Variants in POLR3B observed in about 807,000 individuals in gnomAD.
POLR3B encodes RNA polymerase III subunit B.
A neutral mutation model predicts 147.4 loss-of-function variants in POLR3B; 96 were observed. That is an observed-to-expected ratio of 0.65 (90% CI 0.55 to 0.77). POLR3B has a LOEUF of 0.77. POLR3B is among the 30% of genes least tolerant of loss of function. The pLI is 0.00. For missense variants in POLR3B, 1,036 were observed against 1,413.5 expected (o/e 0.73, Z 4.28); for synonymous variants, 461 against 485.9 (o/e 0.95, Z 0.67).
chr12:106,500,422 C>G (rs2038580329), intron 25 of POLR3B, among the ~76,000 whole-genome samples: 1 of 152,068 alleles, frequency 6.6e-6, no homozygotes, highest in South Asian at 2.1e-4. Flanking sequence ...GCCACCGTGA[C>G]AAAGGAGACA....
chr12:106,401,192 A>C (rs1397434234), intron 10 of POLR3B, among the ~76,000 whole-genome samples: 1 of 152,232 alleles, frequency 6.6e-6, no homozygotes, highest in Non-Finnish European at 1.5e-5. Flanking sequence ...AATACTATAA[A>C]CATGTCTATG....
rs748423263 is a variant in POLR3B at position 106,459,327 on chromosome 12, T to TAATGTAC, written c.2530_2536dup (p.Pro846GlnfsTer24). The TAATGTAC allele has an allele frequency of 6.2e-7, 1 of 1,603,114 alleles. No individual in the cohort carries two copies. Among genetic ancestry groups the TAATGTAC allele is most frequent in the South Asian group, 1.1e-5 (1 of 90,842 alleles). ...TGACTCAGATTCCTTTGGAAGGAAG[T>TAATGTAC]AATGTACCACAGCAACCACAGTACA... On this transcript the variant is annotated frameshift_variant, in exon 22 of 28. Transcript: ENST00000228347. LOFTEE classifies it high-confidence loss of function.
chr12:106,375,777 C>T (rs1391714862), intron 6 of POLR3B, among the ~76,000 whole-genome samples: 1 of 152,194 alleles, frequency 6.6e-6, no homozygotes, highest in Non-Finnish European at 1.5e-5. Flanking sequence ...CTTTGTCTTC[C>T]ATGAAGGAAG....
intron 23 of POLR3B, among the ~76,000 whole-genome samples, chr12:106,474,129 GT>G (rs2038129126): frequency 1.1e-5 from 1 of 88,340 alleles, no homozygotes; most frequent in South Asian, 4.9e-4. Context: ...TAATCATGTG[GT>G]TTTTGTCTTT....
intron 23 of POLR3B, among the ~76,000 whole-genome samples, chr12:106,485,123 A>G (rs773957798): frequency 4.6e-5 from 7 of 152,220 alleles, no homozygotes; most frequent in Non-Finnish European, 8.8e-5. Context: ...TATTTGGCTT[A>G]TGGTTCTAAA....
rs1187244251 is a variant in POLR3B, at chr12:106,462,841, C to T, written c.2571-637C>T. Among the ~76,000 whole-genome samples the T allele has an allele frequency of 3.3e-5, 5 of 152,274 alleles. No homozygotes were observed. The South Asian group carries it at 6.2e-4, about 19-fold the overall frequency. On this transcript the variant is annotated intron_variant, in intron 22 of 27. Coordinates refer to ENST00000228347, the MANE Select transcript of POLR3B (RefSeq NM_018082.6). ...TTACCTCTTCTGTGGCAGGGCTTGA[C>T]AGCTTGCCACTTCCTGCCACCACTG...
Position 106,406,095 on chromosome 12 carries a change from G to A in POLR3B, c.966+119G>A. ...ATTCCTCAAGAGAAAATTCTAAAGA[G>A]GACTGTACTGCCCCATCAGAAATAA... On this transcript the variant is annotated intron_variant, in intron 11 of 27. Transcript: ENST00000228347. The A allele has an allele frequency of 3.9e-6, 4 of 1,015,924 alleles. No homozygotes were observed. In the South Asian group the frequency reaches 4.1e-5, roughly 10 times the overall value. The allele number at this position is 1,015,924 out of a possible 1,614,324, so 62.9% of individuals were successfully genotyped here. A position where few individuals can be genotyped will look rare whatever the true frequency, so the allele number is the denominator to read the frequency against.
chr12:106,427,187 T>TG lies in POLR3B; in HGVS notation c.1102-10_1102-9insG. 6.8e-7 allele frequency: 1 copy of TG among 1,480,142 alleles called. No homozygotes were observed. The highest frequency in any genetic ancestry group is 2.0e-5 in the Admixed American group (1 of 49,000). The allele number at this position is 1,480,142 out of a possible 1,614,324, so 91.7% of individuals were successfully genotyped here. ...GAAAAATCACCATATACCTTTTTTT[T>TG]TTTTTTTAGCTTTTATCTCTTCTTT... On this transcript the variant is annotated splice_polypyrimidine_tract_variant and intron_variant, in intron 12 of 27. Transcript: ENST00000228347.
intron 11 of POLR3B, among the ~76,000 whole-genome samples, chr12:106,408,113 GTAT>G (rs903000502): frequency 6.6e-6 from 1 of 152,132 alleles, no homozygotes; most frequent in African/African-American, 2.4e-5. Context: ...TGATTTTATG[GTAT>G]TATTGCATAG....
At chr12:106,358,009 G>T (rs1039856413) in intron 1 of POLR3B, 58 bp downstream of exon 1, 5 of 1,595,044 alleles carry the variant, frequency 3.1e-6, no homozygotes, top group African/African-American at 2.7e-5. Flanking sequence ...AGGGGGCGTT[G>T]CCCGGAGTGC....
chr12:106,509,797 G>T lies in POLR3B; in HGVS notation c.*248G>T, dbSNP rs181864410. 25 of 431,250 alleles carry T rather than the reference G, an allele frequency of 5.8e-5. No individual in the cohort carries two copies. The Admixed American group carries it at 6.9e-4, about 12-fold the overall frequency. The allele number at this position is 431,250 out of a possible 1,614,324, so 26.7% of individuals were successfully genotyped here. A position where few individuals can be genotyped will look rare whatever the true frequency, so the allele number is the denominator to read the frequency against. On this transcript the variant is annotated 3_prime_UTR_variant, in exon 28 of 28. Transcript: ENST00000228347. The stretch of plus-strand genomic sequence containing the variant: ...TGCAAGGCTGCTTGATTCACAGATG[G>T]ATGTGACCTAAAGGATAAATAAGCT...
At chr12:106,360,223 A>G (rs550480540) in intron 1 of POLR3B, among the ~76,000 whole-genome samples, 3 of 152,340 alleles carry the variant, frequency 2.0e-5, no homozygotes, top group African/African-American at 4.8e-5. Flanking sequence ...ACACACAAAC[A>G]TGGTTATGTT....
chr12:106,454,757 T>C (rs1487576667), intron 20 of POLR3B, 46 bp downstream of exon 20: 1 of 976,880 alleles, frequency 1.0e-6, no homozygotes, highest in Admixed American at 1.7e-5. Flanking sequence ...TTTTGCAGAA[T>C]TAGATATAGG....
intron 19 of POLR3B, among the ~76,000 whole-genome samples, chr12:106,448,431 T>C (rs975328673): frequency 5.1e-5 from 6 of 117,856 alleles, no homozygotes; most frequent in South Asian, 3.1e-4. Context: ...TTATTTCTTT[T>C]TTTTTTTTTT....
chr12:106,390,271 C>CA (rs1412996042), intron 9 of POLR3B, among the ~76,000 whole-genome samples: 2 of 93,350 alleles, frequency 2.1e-5, no homozygotes, highest in African/African-American at 4.8e-5. Context: ...TCTCTCCCCC[C>CA]CCAGTTTTTT....
intron 9 of POLR3B, among the ~76,000 whole-genome samples, chr12:106,390,770 G>A (rs903685961): frequency 2.6e-5 from 4 of 151,772 alleles, no homozygotes; most frequent in South Asian, 4.1e-4. Flanking sequence ...CCAAAAGTTG[G>A]TATATTAGTT....
chr12:106,374,873 G>T (rs572687694), intron 6 of POLR3B, among the ~76,000 whole-genome samples: 1 of 152,030 alleles, frequency 6.6e-6, no homozygotes, highest in Non-Finnish European at 1.5e-5. Flanking sequence ...TATGAAGTTC[G>T]CATTTGTTTA....
At chr12:106,405,605 T>A (rs2037141083) in intron 10 of POLR3B, among the ~76,000 whole-genome samples, 1 of 151,108 alleles carries the variant, frequency 6.6e-6, no homozygotes, top group South Asian at 2.1e-4. Context: ...GTGTCTGTAT[T>A]TTCTAAATTT....
chr12:106,467,292 A>G (rs779524131), intron 23 of POLR3B, among the ~76,000 whole-genome samples: 81 of 152,146 alleles, frequency 5.3e-4, no homozygotes, highest in South Asian at 4.1e-4. Context: ...TGATTTTTGC[A>G]TATTGATTTT....
Sources: allele counts gnomAD v4.1 joint callset (sites outside exome capture counted in the v4.1 genomes callset), GRCh38; gene constraint gnomAD v4.1.1; transcripts MANE v1.5; gene names NCBI Gene and HGNC (gene_info 2026-07-23, HGNC 2026-07-21).